Variants in THEMIS observed in about 807,000 individuals in gnomAD.
THEMIS encodes thymocyte selection associated.
Under a neutral mutation model 52.6 loss-of-function variants are expected in THEMIS, and 37 were observed. The ratio of observed to expected loss-of-function variants is 0.70; its 90% CI spans 0.54 to 0.93. The LOEUF (loss-of-function observed/expected upper bound fraction) is 0.93, where lower values mean the gene tolerates loss of function less well. THEMIS is among the 40% of genes least tolerant of loss of function. The pLI is 0.00. For synonymous variants in THEMIS, 292 were observed against 272.7 expected (o/e 1.07, Z -0.70); for missense variants, 808 against 763.1 (o/e 1.06, Z -0.69).
At chr6:127,744,255 T>A (rs1406175500) in intron 4 of THEMIS, among the ~76,000 whole-genome samples, 1 of 152,054 alleles carries the variant, frequency 6.6e-6, no homozygotes, top group Non-Finnish European at 1.5e-5. Flanking sequence ...TCATTTTGTC[T>A]CTGTCAATTC....
chr6:127,812,137 C>T (rs1244989473), intron 4 of THEMIS, among the ~76,000 whole-genome samples: 1 of 151,706 alleles, frequency 6.6e-6, no homozygotes, highest in Non-Finnish European at 1.5e-5. Context: ...GGATAAACGA[C>T]CTACACATCA....
chr6:127,851,691 A>G (rs1447013814), intron 2 of THEMIS, among the ~76,000 whole-genome samples: 2 of 151,748 alleles, frequency 1.3e-5, no homozygotes, highest in African/African-American at 4.8e-5. Context: ...TTGACAAAGC[A>G]AAATGCTGGT....
chr6:127,765,670 A>G (rs1191379005), intron 4 of THEMIS, among the ~76,000 whole-genome samples: 1 of 152,044 alleles, frequency 6.6e-6, no homozygotes, highest in Non-Finnish European at 1.5e-5. Flanking sequence ...GTGCCTTTTT[A>G]TGTTTAGATA....
intron 3 of THEMIS, among the ~76,000 whole-genome samples, chr6:127,823,322 T>A (rs1031085029): frequency 5.3e-5 from 8 of 152,140 alleles, no homozygotes; most frequent in African/African-American, 1.4e-4. Flanking sequence ...ACCTGTTATA[T>A]GAATATAAAT....
chr6:127,701,473 A>G, the THEMIS span, among the ~76,000 whole-genome samples: 1 of 152,106 alleles, frequency 6.6e-6, no homozygotes, highest in African/African-American at 2.4e-5. Context: ...GTTTGAAACT[A>G]CTTTGAATAA....
chr6:127,861,909 A>T (rs909718205), intron 1 of THEMIS, among the ~76,000 whole-genome samples: 16 of 151,924 alleles, frequency 1.1e-4, no homozygotes, highest in Non-Finnish European at 2.2e-4. Flanking sequence ...AATTGTGCTT[A>T]TATTGTGCAT....
chr6:127,862,282 T>C (rs921330135), intron 1 of THEMIS, among the ~76,000 whole-genome samples: 2 of 152,044 alleles, frequency 1.3e-5, no homozygotes, highest in Non-Finnish European at 2.9e-5. Flanking sequence ...TTGCAAGTTA[T>C]TGTACTGGCA....
chr6:127,791,230 C>T (rs370066292), intron 4 of THEMIS, among the ~76,000 whole-genome samples: 2 of 152,154 alleles, frequency 1.3e-5, no homozygotes, highest in African/African-American at 4.8e-5. Context: ...AGCAACAGAA[C>T]AGCTCAGAGG....
chr6:127,847,725 G>C (rs916097809), intron 2 of THEMIS, among the ~76,000 whole-genome samples: 3 of 151,500 alleles, frequency 2.0e-5, no homozygotes, highest in Non-Finnish European at 2.9e-5. Context: ...CTGCCCAAAG[G>C]AATCTACGGA....
intron 4 of THEMIS, among the ~76,000 whole-genome samples, chr6:127,807,576 T>C (rs960184219): frequency 5.9e-5 from 9 of 152,192 alleles, no homozygotes; most frequent in African/African-American, 1.9e-4. Context: ...AAAAACTCTC[T>C]AACAGTAATC....
intron 1 of THEMIS, chr6:127,868,409 G>GA (rs1780050964): frequency 2.0e-6 from 2 of 984,760 alleles, no homozygotes; most frequent in Non-Finnish European, 2.4e-6. Flanking sequence ...CTGAGGAAAA[G>GA]AAAAAAGGAA....
chr6:127,699,869 G>A, the THEMIS span, among the ~76,000 whole-genome samples: 2 of 151,756 alleles, frequency 1.3e-5, no homozygotes, highest in Middle Eastern at 3.2e-3. Context: ...AGAAGAAAAT[G>A]CAATAGAAAC....
chr6:127,771,291 A>G (rs1377209454), intron 4 of THEMIS, among the ~76,000 whole-genome samples: 3 of 152,230 alleles, frequency 2.0e-5, no homozygotes, highest in East Asian at 3.8e-4. Flanking sequence ...AGAACATTCC[A>G]TGCTCATGGA....
At chr6:127,843,246 A>G (rs1332743768) in intron 2 of THEMIS, among the ~76,000 whole-genome samples, 1 of 151,650 alleles carries the variant, frequency 6.6e-6, no homozygotes, top group Non-Finnish European at 1.5e-5. Flanking sequence ...TTATTATGGC[A>G]TTAACGTTGA....
chr6:127,910,753 T>C (rs535231392), intron 1 of THEMIS, among the ~76,000 whole-genome samples: 37 of 152,300 alleles, frequency 2.4e-4, no homozygotes, highest in South Asian at 8.3e-4. Context: ...TGATGGTGCA[T>C]TTGTCACAAT....
In THEMIS at chr6:127,755,438, A is replaced by AT. The variant is rs563354359; in HGVS notation, c.1759-35616dup. On this transcript the variant is annotated intron_variant, in intron 4 of 5. Coordinates refer to ENST00000368248, the MANE Select transcript of THEMIS (RefSeq NM_001010923.3). ...TTTCACATTTTGATCCAAAATATAC[A>AT]TTTTTTTTTAAATTACCCTACAGAA... 9.6e-3 allele frequency among the ~76,000 whole-genome samples: 1,449 copies of AT among 151,698 alleles called. 9 individuals carry two copies. Among genetic ancestry groups the AT allele is most frequent in the Non-Finnish European group, 0.015 (1,028 of 67,848 alleles).
downstream of THEMIS, among the ~76,000 whole-genome samples, chr6:127,706,186 T>C (rs1264475258): frequency 1.3e-5 from 2 of 151,824 alleles, no homozygotes; most frequent in Non-Finnish European, 2.9e-5. Flanking sequence ...AACCTTGATG[T>C]AATATTTTAT....
intron 1 of THEMIS, among the ~76,000 whole-genome samples, chr6:127,911,855 C>T (rs1781419624): frequency 6.6e-6 from 1 of 151,530 alleles, no homozygotes; most frequent in Non-Finnish European, 1.5e-5. Context: ...GGGACACTGC[C>T]TAGTGGAGCT....
At chr6:127,762,201 C>T (rs1776044994) in intron 4 of THEMIS, among the ~76,000 whole-genome samples, 1 of 151,896 alleles carries the variant, frequency 6.6e-6, no homozygotes, top group Non-Finnish European at 1.5e-5. Flanking sequence ...GTATCTAAAA[C>T]TAGGCAAATT....
Sources: allele counts gnomAD v4.1 joint callset (sites outside exome capture counted in the v4.1 genomes callset), GRCh38; gene constraint gnomAD v4.1.1; transcripts MANE v1.5; gene names NCBI Gene and HGNC (gene_info 2026-07-23, HGNC 2026-07-21).